The following AFF1 variants were observed in gnomAD, a reference collection of about 807,000 sequenced individuals.
AFF1 encodes ALF transcription elongation factor 1.
In AFF1, 48 loss-of-function variants were observed where a neutral mutation model predicts 121.7. That is an observed-to-expected ratio of 0.39 (90% CI 0.31 to 0.50). The LOEUF is 0.50. AFF1 is among the 20% of genes least tolerant of loss of function. The pLI, the probability that AFF1 is intolerant of heterozygous loss-of-function variation, is 0.76. For synonymous variants in AFF1, 613 were observed against 563.0 expected, an observed-to-expected ratio of 1.09 and a Z score of -1.26; for missense variants, 1,523 against 1,511.7, an observed-to-expected ratio of 1.01 and a Z score of -0.12.
chr4:86,983,852 A>G (rs1723987979), intron 2 of AFF1, among the ~76,000 whole-genome samples: 1 of 152,146 alleles, frequency 6.6e-6, no homozygotes, highest in Non-Finnish European at 1.5e-5. Flanking sequence ...CCTGGCCAAC[A>G]CGGTGAAACC....
chr4:86,939,217 G>T lies in AFF1; in HGVS notation c.-37+3977G>T, dbSNP rs192325038. ...ATGGCATAATCATTTAAGCCTAATTGTGACTCTGAAATTGGAATTCATTTT... is the reference window on the plus strand; with the variant it reads ...ATGGCATAATCATTTAAGCCTAATTTTGACTCTGAAATTGGAATTCATTTT... On this transcript the variant is annotated intron_variant, in intron 1 of 20. Transcript: ENST00000395146. 9.9e-4 allele frequency among the ~76,000 whole-genome samples: 151 copies of T among 152,276 alleles called. No homozygotes were observed. In the Middle Eastern group the frequency reaches 0.01, roughly 10 times the overall value.
At chr4:87,009,962 TGTTTA>T (rs1456366965) in intron 2 of AFF1, among the ~76,000 whole-genome samples, 2 of 152,238 alleles carry the variant, frequency 1.3e-5, no homozygotes, top group Admixed American at 1.3e-4. Flanking sequence ...CTTTGTTCAT[TGTTTA>T]GTTTGATTCC....
intron 2 of AFF1, among the ~76,000 whole-genome samples, chr4:86,983,568 A>T (rs1378943365): frequency 6.6e-6 from 1 of 151,912 alleles, no homozygotes; most frequent in Non-Finnish European, 1.5e-5. Context: ...TACTAAAAAT[A>T]TAAAAAATTA....
intron 2 of AFF1, among the ~76,000 whole-genome samples, chr4:86,969,081 C>T (rs926776175): frequency 1.3e-5 from 2 of 152,206 alleles, no homozygotes; most frequent in African/African-American, 4.8e-5. Context: ...CTCCTTGTTC[C>T]TTCAGGAATC....
chr4:86,949,543 T>TA (rs57689861), intron 2 of AFF1: 51,063 of 156,160 alleles, frequency 0.33, 5,450 homozygotes, highest in South Asian at 0.4. Flanking sequence ...TATTATTTTT[T>TA]TTTTTTTTTT....
chr4:86,951,917 A>C (rs1721375626), intron 2 of AFF1, among the ~76,000 whole-genome samples: 2 of 144,350 alleles, frequency 1.4e-5, no homozygotes, highest in Non-Finnish European at 1.5e-5. Context: ...TCTGGCTGGG[A>C]ACCTTTTTTT....
At position 87,138,834 on chromosome 4, in the gene AFF1, T is replaced by A. The variant is rs1043715416; in HGVS notation, c.*3133T>A. ...CTAATATTTTGTAACAAAAAGACCT[T>A]CATATTATCTGTTTTGACCAAAATA... is the stretch of plus-strand genomic sequence containing the variant. On this transcript the variant is annotated 3_prime_UTR_variant, in exon 21 of 21. Transcript: ENST00000395146. 9 of 228,744 alleles carry A rather than the reference T, an allele frequency of 3.9e-5. No homozygotes were observed. Among genetic ancestry groups the A allele is most frequent in the Admixed American group, 1.7e-4 (3 of 17,642 alleles). The allele number at this position is 228,744 out of a possible 1,614,324, so 14.2% of individuals were successfully genotyped here. A position where few individuals can be genotyped will look rare whatever the true frequency, so the allele number is the denominator to read the frequency against.
At chr4:87,103,693 T>A (rs1725644031) in intron 8 of AFF1, among the ~76,000 whole-genome samples, 2 of 152,252 alleles carry the variant, frequency 1.3e-5, no homozygotes, top group South Asian at 4.1e-4. Context: ...TCTCTAACTT[T>A]CTGACTTACT....
rs1477803878 is a variant in AFF1, at chr4:87,127,566, C to T, written c.2904-77C>T. The T allele has an allele frequency of 3.6e-6, 5 of 1,380,372 alleles. No individual in the cohort carries two copies. In the East Asian group the frequency reaches 9.2e-5, roughly 25 times the overall value. 85.5% of individuals were successfully genotyped at this position (1,380,372 alleles called of 1,614,324 possible). A position where few individuals can be genotyped will look rare whatever the true frequency, so the allele number is the denominator to read the frequency against. ...CCCTTGCTGTCCTCCCATCCTTTTTCACTCTTGGTCTTATCTTGCCCTAGT... is the reference window on the plus strand; with the variant it reads ...CCCTTGCTGTCCTCCCATCCTTTTTTACTCTTGGTCTTATCTTGCCCTAGT... On this transcript the variant is annotated intron_variant, in intron 15 of 20. Transcript: ENST00000395146.
chr4:87,014,479 C>T (rs918740550), intron 2 of AFF1, among the ~76,000 whole-genome samples: 1 of 152,316 alleles, frequency 6.6e-6, no homozygotes, highest in Middle Eastern at 3.4e-3. Flanking sequence ...AAATGGAACT[C>T]CTACTGGGAA....
chr4:86,990,505 A>T (rs1405124069), intron 2 of AFF1, among the ~76,000 whole-genome samples: 1 of 152,058 alleles, frequency 6.6e-6, no homozygotes, highest in Non-Finnish European at 1.5e-5. Context: ...CTGAAGGGGA[A>T]CCTAAGTTCT....
At chr4:87,114,333 C>G (rs1412500472) in intron 11 of AFF1, 34 bp from the exon 12 acceptor site, 1 of 1,534,142 alleles carries the variant, frequency 6.5e-7, no homozygotes, top group Non-Finnish European at 8.8e-7. Flanking sequence ...CATCAATGGT[C>G]AGTTAACACT....
At chr4:86,997,558 C>G (rs916388035) in intron 2 of AFF1, among the ~76,000 whole-genome samples, 1 of 150,790 alleles carries the variant, frequency 6.6e-6, no homozygotes, top group African/African-American at 2.4e-5. Context: ...GTCAGGAGAT[C>G]GAGACCATCC....
chr4:86,950,264 T>G (rs575970935), intron 2 of AFF1, among the ~76,000 whole-genome samples: 1 of 152,306 alleles, frequency 6.6e-6, no homozygotes, highest in Non-Finnish European at 1.5e-5. Flanking sequence ...CTGCAACCTC[T>G]GCCTCCCGGG....
At chr4:86,986,045 T>C (rs7662779) in intron 2 of AFF1, among the ~76,000 whole-genome samples, 47 of 126,630 alleles carry the variant, frequency 3.7e-4, no homozygotes, top group African/African-American at 1.4e-3. Context: ...CAATTCAATT[T>C]AATTTAATTT....
At chr4:87,075,809 A>G (rs1018423170) in intron 4 of AFF1, among the ~76,000 whole-genome samples, 1 of 152,198 alleles carries the variant, frequency 6.6e-6, no homozygotes, top group African/African-American at 2.4e-5. Flanking sequence ...TACCAATATG[A>G]GCTGACATAT....
At chr4:87,085,872 G>C (rs1466778900) in intron 5 of AFF1, among the ~76,000 whole-genome samples, 1 of 151,810 alleles carries the variant, frequency 6.6e-6, no homozygotes, top group African/African-American at 2.4e-5. Context: ...CCAAGTAGCC[G>C]GGATTACAGG....
intron 2 of AFF1, among the ~76,000 whole-genome samples, chr4:86,971,250 C>T (rs1722924301): frequency 6.6e-6 from 1 of 152,158 alleles, no homozygotes; most frequent in Non-Finnish European, 1.5e-5. Context: ...CTTCGGTGCT[C>T]TGTTTTTCAG....
At chr4:87,079,226 T>G (rs1722942556) in intron 4 of AFF1, among the ~76,000 whole-genome samples, 1 of 152,210 alleles carries the variant, frequency 6.6e-6, no homozygotes, top group African/African-American at 2.4e-5. Context: ...TTGAGAGACT[T>G]AAAACACAAT....
Sources: allele counts gnomAD v4.1 joint callset (sites outside exome capture counted in the v4.1 genomes callset), GRCh38; gene constraint gnomAD v4.1.1; transcripts MANE v1.5; gene names NCBI Gene and HGNC (gene_info 2026-07-23, HGNC 2026-07-21).